DTNB: variants seen among roughly 807,000 people sequenced by gnomAD.
DTNB encodes dystrobrevin beta.
DTNB carries 63 observed loss-of-function variants against 90.7 expected under a neutral mutation model. The observed-to-expected ratio is 0.69, with a 90% CI of 0.57 to 0.86. The LOEUF (loss-of-function observed/expected upper bound fraction) is 0.86. DTNB is among the 40% of genes least tolerant of loss of function. DTNB has a pLI of 0.00. For missense variants in DTNB, 744 were observed against 807.1 expected (o/e 0.92, Z 0.95); for synonymous variants, 277 against 286.7 (o/e 0.97, Z 0.34).
rs565406972 is a variant in DTNB at position 25,465,237 on chromosome 2, G to A, written c.1080-9743C>T. ...TAAAAACACAAAAAATTAGCCGGGC[G>A]TGGTGGCGGGCGCCTGTAGTCCCAG... On this transcript the variant is annotated intron_variant, in intron 10 of 20. Transcript: ENST00000406818. Among the ~76,000 whole-genome samples, 26 of 152,108 alleles carry A rather than the reference G, an allele frequency of 1.7e-4. 1 individual carries two copies. The highest frequency in any genetic ancestry group is 5.8e-4 in the African/African-American group (24 of 41,512).
chr2:25,502,310 T>C (rs575867886), intron 9 of DTNB, among the ~76,000 whole-genome samples: 1 of 152,178 alleles, frequency 6.6e-6, no homozygotes, highest in Non-Finnish European at 1.5e-5. Context: ...AAACTGATTA[T>C]AATAGAGGAG....
chr2:25,650,221 TTG>T, intron 2 of DTNB: 1 of 985,442 alleles, frequency 1.0e-6, no homozygotes, highest in Admixed American at 6.1e-5. Context: ...ATTACTGTGT[TTG>T]TGTATTTGGT....
At chr2:25,534,935 G>A (rs1187602183) in intron 8 of DTNB, among the ~76,000 whole-genome samples, 4 of 146,752 alleles carry the variant, frequency 2.7e-5, no homozygotes, top group Admixed American at 1.4e-4. Context: ...GATGAAGAGC[G>A]GGTGGGCAGA....
chr2:25,457,990 T>C (rs1255067316), intron 10 of DTNB, among the ~76,000 whole-genome samples: 1 of 151,932 alleles, frequency 6.6e-6, no homozygotes, highest in Non-Finnish European at 1.5e-5. Flanking sequence ...CACGCCACCA[T>C]GCTCAGCTAA....
chr2:25,408,288 A>T (rs985831652), intron 16 of DTNB, among the ~76,000 whole-genome samples: 1 of 151,944 alleles, frequency 6.6e-6, no homozygotes, highest in Non-Finnish European at 1.5e-5. Context: ...CAGCCTGGGC[A>T]ACAAGAGCGA....
intron 5 of DTNB, among the ~76,000 whole-genome samples, chr2:25,599,904 CT>C (rs2065489228): frequency 6.6e-6 from 1 of 151,646 alleles, no homozygotes; most frequent in Non-Finnish European, 1.5e-5. Context: ...CAAGGCCAGC[CT>C]GGGCAAGATA....
chr2:25,535,875 AGG>A (rs1372368350), intron 8 of DTNB, among the ~76,000 whole-genome samples: 4 of 137,106 alleles, frequency 2.9e-5, no homozygotes, highest in South Asian at 2.4e-4. Context: ...CACCTCCCAG[AGG>A]GGGCGGCCAG....
intron 9 of DTNB, among the ~76,000 whole-genome samples, chr2:25,514,253 G>A (rs555617700): frequency 6.6e-6 from 1 of 152,252 alleles, no homozygotes; most frequent in Non-Finnish European, 1.5e-5. Flanking sequence ...GTGAGTATGA[G>A]GATGAGGGGC....
intron 1 of DTNB, among the ~76,000 whole-genome samples, chr2:25,653,543 A>C (rs2081465939): frequency 1.8e-5 from 2 of 111,146 alleles, no homozygotes; most frequent in African/African-American, 7.3e-5. Context: ...TGACAGTCTC[A>C]CTCTGTAGTC....
intron 12 of DTNB, among the ~76,000 whole-genome samples, chr2:25,438,336 C>T (rs1411686522): frequency 6.6e-6 from 1 of 152,198 alleles, no homozygotes; most frequent in Non-Finnish European, 1.5e-5. Context: ...AAAAAAATCT[C>T]ATAATGTTTT....
At chr2:25,565,159 G>C (rs897396398) in intron 8 of DTNB, among the ~76,000 whole-genome samples, 3 of 152,158 alleles carry the variant, frequency 2.0e-5, no homozygotes, top group Non-Finnish European at 4.4e-5. Context: ...AAAATGGCAG[G>C]AGTGGATATC....
rs183685492 is a variant in DTNB at position 25,608,353 on chromosome 2, G to A, written c.363-1032C>T. On this transcript the variant is annotated intron_variant, in intron 4 of 20. Coordinates refer to ENST00000406818, the MANE Select transcript of DTNB (RefSeq NM_021907.5). Reference sequence around the variant, plus strand: ...CTGAAAAAAGGCAAATAGCCTATACGCTAGAAAATTATCTGTGAAAACACC... The same window carrying A: ...CTGAAAAAAGGCAAATAGCCTATACACTAGAAAATTATCTGTGAAAACACC... Among the ~76,000 whole-genome samples, 102 of 152,124 alleles carry A rather than the reference G, an allele frequency of 6.7e-4. 1 individual carries two copies. In the East Asian group the frequency reaches 0.015, roughly 23 times the overall value.
At position 25,663,613 on chromosome 2, in the gene DTNB, G is replaced by A. The variant is rs560052123; in HGVS notation, c.-2+9773C>T. ...TAAGTCTTATCCTGAGTGTTTTAGC[G>A]GGGGTGGGGAGCACAGTTCTCCATA... On this transcript the variant is annotated intron_variant, in intron 1 of 20. Transcript: ENST00000406818. Among the ~76,000 whole-genome samples, 34 of 152,186 alleles carry A rather than the reference G, an allele frequency of 2.2e-4. No individual in the cohort carries two copies. In the South Asian group the frequency reaches 5.2e-3, roughly 23 times the overall value.
chr2:25,647,290 G>A (rs1193252834), intron 2 of DTNB, among the ~76,000 whole-genome samples: 2 of 151,964 alleles, frequency 1.3e-5, no homozygotes, highest in African/African-American at 4.8e-5. Flanking sequence ...AGAAGTACAG[G>A]GAAAAAATTA....
intron 5 of DTNB, among the ~76,000 whole-genome samples, chr2:25,597,433 A>G (rs796686674): frequency 2.0e-5 from 3 of 152,362 alleles, no homozygotes; most frequent in African/African-American, 7.2e-5. Flanking sequence ...TATGTAATAT[A>G]CATACATGCA....
chr2:25,667,112 A>G (rs2084631934), intron 1 of DTNB, among the ~76,000 whole-genome samples: 1 of 151,898 alleles, frequency 6.6e-6, no homozygotes, highest in Non-Finnish European at 1.5e-5. Context: ...CACCACACAG[A>G]GGACAGTGGG....
At chr2:25,444,596 T>C (rs1208462511) in intron 12 of DTNB, among the ~76,000 whole-genome samples, 1 of 151,004 alleles carries the variant, frequency 6.6e-6, no homozygotes, top group Non-Finnish European at 1.5e-5. Context: ...TCCTGGCTCA[T>C]ATAAGCAACG....
chr2:25,418,041 G>A (rs1302653328), intron 16 of DTNB, among the ~76,000 whole-genome samples: 1 of 152,174 alleles, frequency 6.6e-6, no homozygotes, highest in Non-Finnish European at 1.5e-5. Flanking sequence ...TTTGCATCCT[G>A]TTCAGCTTTG....
chr2:25,598,964 G>C (rs1343348468), intron 5 of DTNB: 1 of 152,076 alleles, frequency 6.6e-6, no homozygotes, highest in Non-Finnish European at 1.5e-5. Context: ...AAACTTTTAA[G>C]TAGAGATCAA....
Sources: gnomAD v4.1 joint callset for allele counts (sites outside exome capture counted in the v4.1 genomes callset) on GRCh38, gnomAD v4.1.1 for gene constraint, MANE v1.5 for transcripts, NCBI Gene and HGNC (gene_info 2026-07-23, HGNC 2026-07-21) for gene names.